EBF2: variants seen among roughly 807,000 people sequenced by gnomAD.
EBF2 encodes the protein transcription factor COE2.
A neutral mutation model predicts 72.8 loss-of-function variants in EBF2; 21 were observed. That is an observed-to-expected ratio of 0.29 (90% confidence interval 0.20 to 0.42). The LOEUF is 0.42. EBF2 is among the 10% of genes least tolerant of loss of function. The pLI is 1.00. For synonymous variants in EBF2, 299 were observed against 274.2 expected (o/e 1.09, Z -0.89); for missense variants, 637 against 731.2 (o/e 0.87, Z 1.49).
chr8:25,974,204 C>T (rs527578672), intron 6 of EBF2, among the ~76,000 whole-genome samples: 6 of 152,266 alleles, frequency 3.9e-5, no homozygotes, highest in African/African-American at 1.4e-4. Flanking sequence ...GGAAGTGGCA[C>T]AGGTCACAGA....
chr8:26,012,469 T>C (rs570771322), intron 6 of EBF2, among the ~76,000 whole-genome samples: 58 of 152,272 alleles, frequency 3.8e-4, no homozygotes, highest in African/African-American at 1.3e-3. Flanking sequence ...ACATACTAAA[T>C]TTATTTCTCT....
At chr8:26,004,971 T>C (rs1804812694) in intron 6 of EBF2, among the ~76,000 whole-genome samples, 1 of 151,092 alleles carries the variant, frequency 6.6e-6, no homozygotes, top group Non-Finnish European at 1.5e-5. Context: ...GTGGGATCCA[T>C]ATACAACAGT....
chr8:25,987,130 G>C (rs566025028), intron 6 of EBF2, among the ~76,000 whole-genome samples: 1 of 152,320 alleles, frequency 6.6e-6, no homozygotes, highest in South Asian at 2.1e-4. Flanking sequence ...GTGAGGGTAA[G>C]GACAGAAAGA....
intron 7 of EBF2, among the ~76,000 whole-genome samples, chr8:25,890,633 C>T (rs1361668097): frequency 2.0e-5 from 3 of 152,122 alleles, no homozygotes; most frequent in African/African-American, 7.2e-5. Flanking sequence ...TCTCACAGTG[C>T]TGAAATGAGG....
intron 6 of EBF2, among the ~76,000 whole-genome samples, chr8:26,005,557 T>TAGAGAG (rs1480763824): frequency 1.8e-4 from 8 of 45,062 alleles, no homozygotes; most frequent in East Asian, 9.0e-4. Context: ...TATATATATA[T>TAGAGAG]ATATAGAGAG....
At chr8:25,967,091 A>G (rs1277882866) in intron 6 of EBF2, among the ~76,000 whole-genome samples, 1 of 152,274 alleles carries the variant, frequency 6.6e-6, no homozygotes, top group African/African-American at 2.4e-5. Flanking sequence ...AATGAAATGC[A>G]GATGGGTCTA....
intron 10 of EBF2, among the ~76,000 whole-genome samples, chr8:25,863,034 G>C (rs373495269): frequency 6.7e-6 from 1 of 149,908 alleles, no homozygotes; most frequent in Non-Finnish European, 1.5e-5. Flanking sequence ...TCTGCTTTAA[G>C]TATACATAAA....
At position 26,040,980 on chromosome 8, in the gene EBF2, T is replaced by C. The variant is rs763143053; in HGVS notation, c.311A>G (p.Asn104Ser). The C allele has an allele frequency of 1.2e-6, 2 of 1,614,228 alleles. No individual in the cohort carries two copies. ...CTGTAACTTGTAGTGAGTGCCGTTGTTGGTCTTCTCGTTGCCTTGTTCCTG... is the reference window on the plus strand; with the variant it reads ...CTGTAACTTGTAGTGAGTGCCGTTGCTGGTCTTCTCGTTGCCTTGTTCCTG... Reference protein sequence around the residue: ...NDKEQGNEKTNNGTHYKLQLL... With the variant: ...NDKEQGNEKTSNGTHYKLQLL... Residue 104 changes from asparagine (N) to serine (S), a missense_variant, in exon 3 of 16, where the codon AAC becomes AGC. Physicochemically the swap from Asn to Ser is conservative, Grantham distance 46 (BLOSUM62 1). This residue lies in a region of EBF2 where 174 missense variants were observed against 161.9 expected (regional missense o/e 1.07). Coordinates refer to ENST00000520164, the MANE Select transcript of EBF2 (RefSeq NM_022659.4).
chr8:25,960,126 C>T (rs931816490), intron 6 of EBF2, among the ~76,000 whole-genome samples: 8 of 152,172 alleles, frequency 5.3e-5, no homozygotes, highest in African/African-American at 1.4e-4. Flanking sequence ...AAAATGAACA[C>T]CCACTCTTTG....
At chr8:25,881,919 G>A (rs1381182638) in intron 10 of EBF2, among the ~76,000 whole-genome samples, 1 of 152,108 alleles carries the variant, frequency 6.6e-6, no homozygotes, top group Non-Finnish European at 1.5e-5. Flanking sequence ...CGAGAGGCCC[G>A]GGGAAAACCA....
intron 6 of EBF2, among the ~76,000 whole-genome samples, chr8:26,021,325 C>T (rs1267111378): frequency 6.6e-6 from 1 of 152,182 alleles, no homozygotes; most frequent in Non-Finnish European, 1.5e-5. Context: ...AAGTGAATCT[C>T]CTACGTGTGA....
At chr8:25,992,986 C>G (rs575670677) in intron 6 of EBF2, among the ~76,000 whole-genome samples, 1 of 152,076 alleles carries the variant, frequency 6.6e-6, no homozygotes, top group Non-Finnish European at 1.5e-5. Flanking sequence ...GGAAAGGGAC[C>G]CAGCTTTGTG....
intron 7 of EBF2, among the ~76,000 whole-genome samples, chr8:25,905,049 C>T (rs1204776966): frequency 6.6e-6 from 1 of 152,140 alleles, no homozygotes; most frequent in Non-Finnish European, 1.5e-5. Context: ...TAAATAGACA[C>T]TTCCTCAAAG....
rs1804447376 is a variant in EBF2 at position 25,986,008 on chromosome 8, A to AAAAAAAAAAAAAAG, written c.551+47076_551+47077insCTTTTTTTTTTTTT. Reference sequence around the variant, plus strand: ...CAGAGTGAAACTCTGTCTCAAAAAAAAAAAAAAAAAAAAAAAAGTACATGA... The same window carrying AAAAAAAAAAAAAAG: ...CAGAGTGAAACTCTGTCTCAAAAAAAAAAAAAAAAAAAAGAAAAAAAAAAAAAAAAAGTACATGA... On this transcript the variant is annotated intron_variant, in intron 6 of 15. Coordinates refer to ENST00000520164, the MANE Select transcript of EBF2 (RefSeq NM_022659.4). 1.4e-5 allele frequency among the ~76,000 whole-genome samples: 2 copies of AAAAAAAAAAAAAAG among 147,288 alleles called. 1 individual carries two copies. Among genetic ancestry groups the AAAAAAAAAAAAAAG allele is most frequent in the African/African-American group, 5.0e-5 (2 of 40,014 alleles).
chr8:25,918,656 G>C (rs1803263562), intron 6 of EBF2, among the ~76,000 whole-genome samples: 1 of 152,260 alleles, frequency 6.6e-6, no homozygotes, highest in East Asian at 1.9e-4. Context: ...AAGAACATGT[G>C]TGAAAAGGTA....
chr8:25,979,400 AT>A (rs1804323030), intron 6 of EBF2, among the ~76,000 whole-genome samples: 2 of 152,212 alleles, frequency 1.3e-5, no homozygotes, highest in Non-Finnish European at 2.9e-5. Context: ...GCCACACGGC[AT>A]TCGGATCAGG....
intron 6 of EBF2, among the ~76,000 whole-genome samples, chr8:25,913,928 A>G (rs1380235272): frequency 1.3e-5 from 2 of 152,228 alleles, no homozygotes; most frequent in South Asian, 2.1e-4. Context: ...CATGCCTCTG[A>G]AAAGGAGATG....
In EBF2 at chr8:25,842,701, T is replaced by C. The variant is rs1801761791; in HGVS notation, c.*1908A>G. Reference sequence around the variant, plus strand: ...AGGTTTCTAAAACCTTGGATTCTCATGTGCATAGAAATAATATAAGTCATA... The same window carrying C: ...AGGTTTCTAAAACCTTGGATTCTCACGTGCATAGAAATAATATAAGTCATA... On this transcript the variant is annotated 3_prime_UTR_variant, in exon 16 of 16. Transcript: ENST00000520164. 6.6e-6 allele frequency: 1 copy of C among 152,130 alleles called. No homozygotes were observed. The highest frequency in any genetic ancestry group is 2.4e-5 in the African/African-American group (1 of 41,392). The allele number at this position is 152,130 out of a possible 1,614,324, so 9.4% of individuals were successfully genotyped here.
rs532974591 is a variant in EBF2, at chr8:25,994,542, C to A, written c.551+38543G>T. ...CAAAGACATCAGATCAACTTAGATG[C>A]CCCAAAATGGTGAACTGGATAAGGA... On this transcript the variant is annotated intron_variant, in intron 6 of 15. Coordinates refer to ENST00000520164, the MANE Select transcript of EBF2 (RefSeq NM_022659.4). Among the ~76,000 whole-genome samples the A allele has an allele frequency of 9.4e-4, 143 of 152,268 alleles. 1 individual carries two copies. The highest frequency in any genetic ancestry group is 5.8e-3 in the South Asian group (28 of 4,824).
Sources: gnomAD v4.1 joint callset for allele counts (sites outside exome capture counted in the v4.1 genomes callset) on GRCh38, gnomAD v4.1.1 for gene constraint, gnomAD v4.1.1 regional missense constraint, MANE v1.5 for transcripts, NCBI Gene and HGNC (gene_info 2026-07-23, HGNC 2026-07-21) for gene names.